Variants in DOCK8 observed in about 807,000 individuals in gnomAD.
The protein encoded by DOCK8 is dedicator of cytokinesis protein 8.
Under a neutral mutation model 245.6 loss-of-function variants are expected in DOCK8, and 141 were observed. The observed-to-expected ratio is 0.57, with a 90% CI of 0.50 to 0.66. The LOEUF (loss-of-function observed/expected upper bound fraction) is 0.66. Among genes scored for constraint, DOCK8 ranks in the 30% least tolerant of loss-of-function variants. DOCK8 has a pLI of 0.00. For synonymous variants in DOCK8, 1,168 were observed against 970.2 expected (o/e 1.20, Z -3.79); for missense variants, 2,965 against 2,603.4 (o/e 1.14, Z -3.02).
chr9:374,453 GTTTTTT>G, intron 18 of DOCK8, among the ~76,000 whole-genome samples: 1 of 75,352 alleles, frequency 1.3e-5, no homozygotes, highest in East Asian at 4.3e-4. Context: ...GTCCTTTTGT[GTTTTTT>G]TTTTTTTTTT....
intron 12 of DOCK8, 104 bp from the exon 13 acceptor site, chr9:338,902 T>C (rs750840272): frequency 1.2e-4 from 107 of 885,472 alleles, no homozygotes; most frequent in Middle Eastern, 2.1e-4. Flanking sequence ...TATGAAAGAC[T>C]TGTGAGAATA....
intron 3 of DOCK8, among the ~76,000 whole-genome samples, chr9:288,092 ATTTCT>A (rs1002298178): frequency 7.2e-5 from 11 of 151,996 alleles, no homozygotes; most frequent in African/African-American, 2.7e-4. Context: ...AAGGAAGATA[ATTTCT>A]TTACTTAGCA....
intron 1 of DOCK8, among the ~76,000 whole-genome samples, chr9:233,071 T>C (rs1176549548): frequency 2.6e-5 from 4 of 152,280 alleles, no homozygotes; most frequent in East Asian, 1.9e-4. Flanking sequence ...GCTTTGAATG[T>C]GTCCCAGAGA....
At chr9:308,476 C>T (rs913834376) in intron 5 of DOCK8, among the ~76,000 whole-genome samples, 2 of 152,136 alleles carry the variant, frequency 1.3e-5, no homozygotes, top group African/African-American at 4.8e-5. Flanking sequence ...TCTTGTGCAC[C>T]TTCTTATTGA....
chr9:460,532 G>A (rs1212256314), intron 46 of DOCK8: 3 of 152,216 alleles, frequency 2.0e-5, no homozygotes. Context: ...GATTTCTCAG[G>A]ATTCAAAGGC....
chr9:432,338 C>T lies in DOCK8; in HGVS notation c.4785+14C>T. 18 of 1,613,882 alleles carry T rather than the reference C, an allele frequency of 1.1e-5. No homozygotes were observed. Among genetic ancestry groups the T allele is most frequent in the Non-Finnish European group, 1.5e-5 (18 of 1,179,840 alleles). ...TTTCCCACCCAGGTACACCGAAGCA[C>T]ATACCTTGTCTCATGCATGAGTTTG... On this transcript the variant is annotated intron_variant, in intron 37 of 47. Coordinates refer to ENST00000432829, the MANE Select transcript of DOCK8 (RefSeq NM_203447.4).
chr9:396,691 TAGAG>T (rs369885607), intron 24 of DOCK8, 90 bp from the exon 25 acceptor site: 58 of 1,540,662 alleles, frequency 3.8e-5, no homozygotes, highest in South Asian at 1.3e-4. Flanking sequence ...AATCCATTGT[TAGAG>T]AGCATTTCTG....
intron 1 of DOCK8, among the ~76,000 whole-genome samples, chr9:240,825 A>G (rs1353164290): frequency 6.6e-6 from 1 of 152,198 alleles, no homozygotes; most frequent in Non-Finnish European, 1.5e-5. Flanking sequence ...AAACTAATAT[A>G]TCATGTCAGA....
chr9:408,104 G>C (rs2055526119), intron 28 of DOCK8, among the ~76,000 whole-genome samples: 1 of 152,190 alleles, frequency 6.6e-6, no homozygotes. Context: ...GAGGTTTCCA[G>C]AATAATGTTT....
chr9:432,360 T>C, intron 37 of DOCK8, 36 bp downstream of exon 37: 1 of 1,607,790 alleles, frequency 6.2e-7, no homozygotes, highest in Non-Finnish European at 8.5e-7. Flanking sequence ...CATGCATGAG[T>C]TTGGGATCTG....
intron 10 of DOCK8, among the ~76,000 whole-genome samples, chr9:332,780 C>G (rs2051085259): frequency 6.7e-6 from 1 of 148,778 alleles, no homozygotes; most frequent in Non-Finnish European, 1.5e-5. Flanking sequence ...CCTTCAGCCT[C>G]TTGAGCAGCT....
intron 24 of DOCK8, among the ~76,000 whole-genome samples, chr9:394,600 A>G (rs2054358933): frequency 6.6e-6 from 1 of 152,236 alleles, no homozygotes; most frequent in Non-Finnish European, 1.5e-5. Flanking sequence ...CACACTTGCT[A>G]ATGAATAAAA....
At chr9:461,780 A>G (rs1587138044) in intron 46 of DOCK8, among the ~76,000 whole-genome samples, 1 of 151,848 alleles carries the variant, frequency 6.6e-6, no homozygotes, top group South Asian at 2.1e-4. Flanking sequence ...GAGCTCAGGC[A>G]ATCCACCCAC....
At chr9:462,845 C>T (rs2057848679) in intron 46 of DOCK8, among the ~76,000 whole-genome samples, 1 of 152,178 alleles carries the variant, frequency 6.6e-6, no homozygotes, top group Non-Finnish European at 1.5e-5. Flanking sequence ...GTAACAGCTT[C>T]CATTCTGCAG....
At chr9:329,530 T>C (rs752931077) in intron 9 of DOCK8, among the ~76,000 whole-genome samples, 2 of 152,240 alleles carry the variant, frequency 1.3e-5, no homozygotes, top group Non-Finnish European at 2.9e-5. Context: ...TATAGAAGTA[T>C]AGTTAAAATT....
intron 44 of DOCK8, among the ~76,000 whole-genome samples, chr9:449,444 T>C (rs2057363017): frequency 6.6e-6 from 1 of 152,148 alleles, no homozygotes; most frequent in Non-Finnish European, 1.5e-5. Context: ...ACTTTGAAGA[T>C]AGACATACTT....
intron 1 of DOCK8, among the ~76,000 whole-genome samples, chr9:221,531 G>C (rs1184123801): frequency 6.6e-6 from 1 of 152,048 alleles, no homozygotes; most frequent in Non-Finnish European, 1.5e-5. Context: ...ATACAGGAGG[G>C]CTGGCCACCG....
At chr9:443,073 T>C (rs76248304) in intron 42 of DOCK8, among the ~76,000 whole-genome samples, 4 of 152,318 alleles carry the variant, frequency 2.6e-5, no homozygotes, top group African/African-American at 7.2e-5. Flanking sequence ...TATCTTCTTG[T>C]GCACTGTGAT....
intron 5 of DOCK8, among the ~76,000 whole-genome samples, chr9:309,343 C>G (rs1350296056): frequency 1.3e-5 from 2 of 152,020 alleles, no homozygotes; most frequent in African/African-American, 4.8e-5. Flanking sequence ...AATTTATGAT[C>G]TAGTAGAGTA....
Sources: allele counts gnomAD v4.1 joint callset (sites outside exome capture counted in the v4.1 genomes callset), GRCh38; gene constraint gnomAD v4.1.1; transcripts MANE v1.5; gene names NCBI Gene and HGNC (gene_info 2026-07-23, HGNC 2026-07-21).